The following SSBP1 variants were observed in gnomAD, a reference collection of about 807,000 sequenced individuals.
SSBP1 encodes single stranded DNA binding protein 1, also known as single-stranded DNA-binding protein, mitochondrial.
SSBP1 carries 20 observed loss-of-function variants against 27.0 expected under a neutral mutation model. That is an observed-to-expected ratio of 0.74 (90% CI 0.52 to 1.08). The LOEUF (loss-of-function observed/expected upper bound fraction) is 1.08. Among genes scored for constraint, SSBP1 ranks in the 50% least tolerant of loss-of-function variants. SSBP1 has a pLI of 0.00. For synonymous variants in SSBP1, 59 were observed against 59.3 expected, an observed-to-expected ratio of 1.00 and a Z score of 0.02; for missense variants, 137 against 182.4, an observed-to-expected ratio of 0.75 and a Z score of 1.44.
chr7:141,745,622 C>T, intron 6 of SSBP1, 38 bp downstream of exon 6: 1 of 1,610,628 alleles, frequency 6.2e-7, no homozygotes, highest in South Asian at 1.1e-5. Flanking sequence ...TTTTCTTTTT[C>T]TCCTTTTCTT....
chr7:141,749,697 G>A (rs542140057), intron 6 of SSBP1, among the ~76,000 whole-genome samples: 3 of 152,234 alleles, frequency 2.0e-5, no homozygotes, highest in East Asian at 3.9e-4. Flanking sequence ...CAGGAGAATC[G>A]CTTGAACCCA....
Position 141,748,882 on chromosome 7 carries a change from T to C in SSBP1, c.404-1429T>C, listed in dbSNP as rs536049860. Among the ~76,000 whole-genome samples the C allele has an allele frequency of 7.9e-5, 12 of 152,348 alleles. 1 individual carries two copies. The highest frequency in any genetic ancestry group is 2.9e-4 in the African/African-American group (12 of 41,582). On this transcript the variant is annotated intron_variant, in intron 6 of 6. Transcript: ENST00000265304. Reference sequence around the variant, plus strand: ...ACTCTTGGCTTTTTCCACAGTGATATTAATTCGAGTAGTTTGTTCTGAAGT... The same window carrying C: ...ACTCTTGGCTTTTTCCACAGTGATACTAATTCGAGTAGTTTGTTCTGAAGT...
At chr7:141,747,383 ATTTTTTTTTTTT>A (rs1320451586) in intron 6 of SSBP1, among the ~76,000 whole-genome samples, 2 of 94,466 alleles carry the variant, frequency 2.1e-5, no homozygotes, top group Non-Finnish European at 4.1e-5. Context: ...CCCAAATTAG[ATTTTTTTTTTTT>A]TTTTTTTTTT....
chr7:141,746,471 A>G (rs1346772634), intron 6 of SSBP1: 3 of 152,290 alleles, frequency 2.0e-5, no homozygotes, highest in Non-Finnish European at 2.9e-5. Flanking sequence ...CCTTCTCCCA[A>G]GTAGCTGGGA....
chr7:141,743,575 CACTT>C lies in SSBP1; in HGVS notation c.105_108del (p.Leu36GlyfsTer9). On this transcript the variant is annotated frameshift_variant, in exon 4 of 7. Coordinates refer to ENST00000265304, the MANE Select transcript of SSBP1 (RefSeq NM_003143.3). LOFTEE classifies it high-confidence loss of function. ...TTGTGTTTCAGCCCTGAATCGTGTG[CACTT>C]ACTTGGGCGAGTGGGTCAGGACCCT... 6.2e-7 allele frequency: 1 copy of C among 1,614,058 alleles called. No individual in the cohort carries two copies. The highest frequency in any genetic ancestry group is 8.5e-7 in the Non-Finnish European group (1 of 1,180,002).
At chr7:141,741,246 G>T (rs191698410) in intron 2 of SSBP1, 2 of 152,282 alleles carry the variant, frequency 1.3e-5, no homozygotes, top group East Asian at 3.9e-4. Context: ...TAGATCCCTC[G>T]CATGAGCGGT....
At chr7:141,741,718 T>C (rs1212210854) in intron 2 of SSBP1, 3 of 969,640 alleles carry the variant, frequency 3.1e-6, no homozygotes, top group Admixed American at 6.0e-5. Context: ...TGAATATATG[T>C]AGTACTTTTT....
chr7:141,739,245 A>G (rs894069116), intron 2 of SSBP1, 55 bp downstream of exon 2: 5 of 1,457,736 alleles, frequency 3.4e-6, no homozygotes, highest in Non-Finnish European at 4.6e-6. Flanking sequence ...CACAGTGATC[A>G]GAAGACTTCT....
Position 141,743,698 on chromosome 7 carries a change from C to T in SSBP1, c.223C>T (p.Leu75=). 6.2e-7 allele frequency: 1 copy of T among 1,614,070 alleles called. No individual in the cohort carries two copies. Among genetic ancestry groups the T allele is most frequent in the Non-Finnish European group, 8.5e-7 (1 of 1,179,970 alleles). The change falls in exon 4 of 7, where the codon CTG becomes TTG. Residue 75 remains leucine, a synonymous_variant. Transcript: ENST00000265304. ...WRSGDSEVYQ[L]GDVSQKTTWH... ...ATCAGGGGATAGTGAAGTTTACCAACTGGGTGAGTACAAAAGACTGGGGTT... is the reference window on the plus strand; with the variant it reads ...ATCAGGGGATAGTGAAGTTTACCAATTGGGTGAGTACAAAAGACTGGGGTT...
intron 2 of SSBP1, 137 bp from the exon 3 acceptor site, chr7:141,742,032 C>T (rs1313653198): frequency 5.9e-6 from 4 of 674,738 alleles, no homozygotes; most frequent in East Asian, 5.5e-5. Context: ...GTTGGGAGAA[C>T]ATGAGAAGAG....
In SSBP1 at chr7:141,742,192, T is replaced by A. The variant is rs141290369; in HGVS notation, c.48T>A (p.His16Gln). 6.2e-7 allele frequency: 1 copy of A among 1,602,740 alleles called. No homozygotes were observed. Among genetic ancestry groups the A allele is most frequent in the African/African-American group, 1.3e-5 (1 of 74,856 alleles). Reference protein sequence around the residue: ...VLQVLRQFVRHESETTTSLVL... With the variant: ...VLQVLRQFVRQESETTTSLVL... ...AGGTACTTCGTCAGTTTGTAAGACA[T>A]GAGTCCGAAACAACTACCAGTTTGG... Residue 16 changes from histidine to glutamine, a missense_variant, in exon 3 of 7, where the codon CAT becomes CAA. By Grantham distance (24) the His-to-Gln change is conservative. Coordinates refer to ENST00000265304, the MANE Select transcript of SSBP1 (RefSeq NM_003143.3).
At chr7:141,744,937 A>G (rs1260664963) in intron 5 of SSBP1, among the ~76,000 whole-genome samples, 1 of 152,142 alleles carries the variant, frequency 6.6e-6, no homozygotes, top group African/African-American at 2.4e-5. Context: ...TAGGTTTGTT[A>G]TCTAGTTTAG....
At chr7:141,743,742 AATAG>A (rs1289091557) in intron 4 of SSBP1, 41 bp downstream of exon 4, 1 of 1,597,196 alleles carries the variant, frequency 6.3e-7, no homozygotes, top group African/African-American at 1.3e-5. Context: ...ATCAGCAATA[AATAG>A]ATATTATTTA....
intron 6 of SSBP1, 140 bp downstream of exon 6, chr7:141,745,724 T>C: frequency 7.2e-7 from 1 of 1,395,270 alleles, no homozygotes; most frequent in Non-Finnish European, 9.4e-7. Flanking sequence ...TCCATAACTC[T>C]TATTTCTCTA....
Position 141,750,235 on chromosome 7 carries a change from T to C in SSBP1, c.404-76T>C, listed in dbSNP as rs572220033. On this transcript the variant is annotated intron_variant, in intron 6 of 6. Transcript: ENST00000265304. ...TTTAATGAACAGCACTAAAGTTATATGTATTAGAGGAGAATTATTGAATGA... is the reference window on the plus strand; with the variant it reads ...TTTAATGAACAGCACTAAAGTTATACGTATTAGAGGAGAATTATTGAATGA... 104 of 1,036,038 alleles carry C rather than the reference T, an allele frequency of 1.0e-4. 1 individual carries two copies. The African/African-American group carries it at 1.4e-3, about 14-fold the overall frequency. The allele number at this position is 1,036,038 out of a possible 1,614,324, so 64.2% of individuals were successfully genotyped here. A position where few individuals can be genotyped will look rare whatever the true frequency, so the allele number is the denominator to read the frequency against.
intron 6 of SSBP1, 22 bp from the exon 7 acceptor site, chr7:141,750,289 T>G: frequency 6.5e-7 from 1 of 1,546,340 alleles, no homozygotes; most frequent in African/African-American, 1.4e-5. Flanking sequence ...AAATTAATAT[T>G]TACATTTTGG....
chr7:141,741,908 TAAATG>T (rs1426244123), intron 2 of SSBP1: 1 of 636,516 alleles, frequency 1.6e-6, no homozygotes, highest in Non-Finnish European at 2.2e-6. Context: ...TGTCGCAAAA[TAAATG>T]GGAGTACTAT....
At chr7:141,739,489 G>A in intron 2 of SSBP1, 1 of 288,276 alleles carries the variant, frequency 3.5e-6, no homozygotes, top group Non-Finnish European at 6.4e-6. Context: ...CCTAAAGACT[G>A]TAGGAATCAT....
rs1194390111 is a variant in SSBP1 at position 141,750,214 on chromosome 7, A to C, written c.404-97A>C. The C allele has an allele frequency of 8.1e-6, 7 of 862,968 alleles. No homozygotes were observed. The African/African-American group carries it at 1.0e-4, about 13-fold the overall frequency. 53.5% of individuals were successfully genotyped at this position (862,968 alleles called of 1,614,324 possible). On this transcript the variant is annotated intron_variant, in intron 6 of 6. Transcript: ENST00000265304. ...TGAAAAGATGGCTAAAATCCTTTTA[A>C]TGAACAGCACTAAAGTTATATGTAT... is the stretch of plus-strand genomic sequence containing the variant.
Sources: allele counts gnomAD v4.1 joint callset (sites outside exome capture counted in the v4.1 genomes callset), GRCh38; gene constraint gnomAD v4.1.1; transcripts MANE v1.5; gene names NCBI Gene and HGNC (gene_info 2026-07-23, HGNC 2026-07-21).